MTMR14: variants seen among roughly 807,000 people sequenced by gnomAD.
The protein encoded by MTMR14 is myotubularin related protein 14.
A neutral mutation model predicts 86.3 loss-of-function variants in MTMR14; 48 were observed. The ratio of observed to expected loss-of-function variants is 0.56; its 90% confidence interval spans 0.44 to 0.71. The LOEUF (loss-of-function observed/expected upper bound fraction) is 0.71, where lower values mean the gene tolerates loss of function less well. MTMR14 is among the 30% of genes least tolerant of loss of function. The probability of loss-of-function intolerance (pLI) is 0.00; values close to 1 mark genes in which losing one functional copy is unlikely to be tolerated. For missense variants in MTMR14, 780 were observed against 834.6 expected, an observed-to-expected ratio of 0.93 and a Z score of 0.81; for synonymous variants, 366 against 326.1, an observed-to-expected ratio of 1.12 and a Z score of -1.32.
chr3:9,697,354 C>A (rs974205940), intron 17 of MTMR14, among the ~76,000 whole-genome samples: 3 of 152,192 alleles, frequency 2.0e-5, no homozygotes, highest in African/African-American at 4.8e-5. Flanking sequence ...TGGGTGCTAG[C>A]CTTGCTGCCT....
At chr3:9,660,420 G>C (rs896625410) in intron 2 of MTMR14, among the ~76,000 whole-genome samples, 1 of 152,034 alleles carries the variant, frequency 6.6e-6, no homozygotes, top group East Asian at 1.9e-4. Context: ...CACCACGCCA[G>C]GCTAATTTTT....
chr3:9,650,606 C>A (rs1291934962), intron 1 of MTMR14: 2 of 281,134 alleles, frequency 7.1e-6, no homozygotes, highest in Non-Finnish European at 1.5e-5. Context: ...GATTGGACTT[C>A]CTCACTCTCC....
At chr3:9,696,219 C>T (rs1186237783) in intron 17 of MTMR14, among the ~76,000 whole-genome samples, 10 of 152,180 alleles carry the variant, frequency 6.6e-5, no homozygotes, top group African/African-American at 2.2e-4. Flanking sequence ...TCTTCTCAGC[C>T]GGGCGCACTG....
At chr3:9,649,884 G>A (rs2047178787) in intron 1 of MTMR14, 142 bp downstream of exon 1, 4 of 1,523,720 alleles carry the variant, frequency 2.6e-6, no homozygotes, top group Non-Finnish European at 3.5e-6. Context: ...GTTCTCCAGG[G>A]TCTGTATCCG....
intron 7 of MTMR14, chr3:9,675,543 A>G (rs1157167386): frequency 2.2e-6 from 1 of 456,814 alleles, no homozygotes; most frequent in Non-Finnish European, 4.4e-6. Context: ...TTCTTTCAGC[A>G]CACCAAAATA....
At chr3:9,654,594 A>G (rs749591432) in intron 2 of MTMR14, among the ~76,000 whole-genome samples, 4 of 152,152 alleles carry the variant, frequency 2.6e-5, no homozygotes, top group Non-Finnish European at 5.9e-5. Flanking sequence ...TGCTCTCCTA[A>G]TCTCCCTACT....
At chr3:9,686,741 T>C (rs1203348924) in intron 13 of MTMR14, among the ~76,000 whole-genome samples, 1 of 152,188 alleles carries the variant, frequency 6.6e-6, no homozygotes, top group African/African-American at 2.4e-5. Flanking sequence ...CACACAGAGA[T>C]AAGAAACTGA....
chr3:9,652,923 CAG>C (rs1365329633), intron 1 of MTMR14, among the ~76,000 whole-genome samples: 5 of 152,202 alleles, frequency 3.3e-5, no homozygotes, highest in Non-Finnish European at 5.9e-5. Context: ...GCTTGGATGA[CAG>C]AGTGAGACTG....
intron 7 of MTMR14, among the ~76,000 whole-genome samples, chr3:9,673,567 A>G (rs1445501187): frequency 2.6e-5 from 4 of 152,208 alleles, no homozygotes; most frequent in African/African-American, 9.6e-5. Context: ...TCTCAGCACC[A>G]GCATCTGCCT....
chr3:9,673,043 C>G (rs534460600), intron 7 of MTMR14, among the ~76,000 whole-genome samples: 5 of 152,336 alleles, frequency 3.3e-5, no homozygotes, highest in Admixed American at 3.3e-4. Context: ...CAAGTTTTCT[C>G]AGGAGCTTGG....
chr3:9,687,340 G>A (rs945789945), intron 13 of MTMR14, among the ~76,000 whole-genome samples: 18 of 152,252 alleles, frequency 1.2e-4, no homozygotes, highest in African/African-American at 4.3e-4. Context: ...CGGGTCATGA[G>A]GTCAGGATAT....
intron 13 of MTMR14, among the ~76,000 whole-genome samples, chr3:9,685,947 G>A (rs192885464): frequency 6.6e-6 from 1 of 152,108 alleles, no homozygotes; most frequent in Non-Finnish European, 1.5e-5. Flanking sequence ...GAGTCTCCTG[G>A]TGTCAAGCGT....
intron 1 of MTMR14, 32 bp from the exon 2 acceptor site, chr3:9,653,589 C>T (rs376583769): frequency 1.9e-6 from 3 of 1,613,876 alleles, no homozygotes; most frequent in East Asian, 4.5e-5. Flanking sequence ...CCCCAGAATT[C>T]TCTTTGTGTT....
chr3:9,699,171 A>AC (rs2076378039), intron 18 of MTMR14, among the ~76,000 whole-genome samples: 1 of 98,108 alleles, frequency 1.0e-5, no homozygotes, highest in East Asian at 2.1e-4. Flanking sequence ...AAACTCTCTC[A>AC]AAAAAAAAAA....
Position 9,677,233 on chromosome 3 carries a change from T to TC in MTMR14, c.752-83dup. 7.8e-7 allele frequency: 1 copy of TC among 1,280,652 alleles called. No homozygotes were observed. The highest frequency in any genetic ancestry group is 1.2e-5 in the South Asian group (1 of 82,518). 79.3% of individuals were successfully genotyped at this position (1,280,652 alleles called of 1,614,324 possible). On this transcript the variant is annotated intron_variant, in intron 7 of 18. Coordinates refer to ENST00000296003, the MANE Select transcript of MTMR14 (RefSeq NM_001077525.3). The surrounding 1 kb of genome is among the most constrained non-coding windows in gnomAD (Gnocchi z 4.2). ...GTTGGCGGCCCCCTCTCCACAGCAC[T>TC]CAGGGACCTGGGTCTGGCCAGGGCT...
intron 17 of MTMR14, among the ~76,000 whole-genome samples, chr3:9,696,222 G>A (rs1389139400): frequency 1.3e-5 from 2 of 152,218 alleles, no homozygotes; most frequent in African/African-American, 4.8e-5. Context: ...TCTCAGCCGG[G>A]CGCACTGGCT....
At chr3:9,680,397 C>T (rs961671917) in intron 9 of MTMR14, among the ~76,000 whole-genome samples, 4 of 152,188 alleles carry the variant, frequency 2.6e-5, no homozygotes, top group African/African-American at 9.7e-5. Flanking sequence ...AGATAGCAAG[C>T]ACTGAAATGA....
rs1330191649 is a variant in MTMR14, at chr3:9,701,667, C to A, written c.1770-123C>A. ...CCACAAGGATAGCATGGCCGTAGGA[C>A]AGACACTGGCCTTGTACAGTCAGAA... is the stretch of plus-strand genomic sequence containing the variant. On this transcript the variant is annotated intron_variant, in intron 18 of 18. Coordinates refer to ENST00000296003, the MANE Select transcript of MTMR14 (RefSeq NM_001077525.3). This position sits in a 1 kb window ranked among gnomAD's most constrained non-coding sequence, Gnocchi z 4.2. The A allele has an allele frequency of 8.6e-7, 1 of 1,169,228 alleles. No individual in the cohort carries two copies. The highest frequency in any genetic ancestry group is 1.3e-6 in the Non-Finnish European group (1 of 798,104). 72.4% of individuals were successfully genotyped at this position (1,169,228 alleles called of 1,614,324 possible).
Position 9,668,766 on chromosome 3 carries a change from A to G in MTMR14, c.465A>G (p.Gly155=), listed in dbSNP as rs746198248. ...TGGCTGGATGGGGAGAGCTGTATGG[A>G]CGCTCAGGCTACAACTATTTTTTCT... ...ATLAGWGELY[G]RSGYNYFFSG... Residue 155 remains glycine (G), a synonymous_variant, in exon 4 of 19, where the codon GGA becomes GGG. Coordinates refer to ENST00000296003, the MANE Select transcript of MTMR14 (RefSeq NM_001077525.3). 1 of 1,614,162 alleles carries G rather than the reference A, an allele frequency of 6.2e-7. No homozygotes were observed. Among genetic ancestry groups the G allele is most frequent in the Admixed American group, 1.7e-5 (1 of 60,018 alleles).
Sources: gnomAD v4.1 joint callset for allele counts (sites outside exome capture counted in the v4.1 genomes callset) on GRCh38, gnomAD v4.1.1 for gene constraint, Gnocchi (gnomAD v3.1) non-coding constraint, MANE v1.5 for transcripts, NCBI Gene and HGNC (gene_info 2026-07-23, HGNC 2026-07-21) for gene names.